Variants in PLCE1 observed in about 807,000 individuals in gnomAD.
PLCE1 encodes phospholipase C epsilon 1, also known as 1-phosphatidylinositol 4,5-bisphosphate phosphodiesterase epsilon-1.
PLCE1 carries 119 observed loss-of-function variants against 242.8 expected under a neutral mutation model. The observed-to-expected ratio is 0.49, with a 90% CI of 0.42 to 0.57. The LOEUF (loss-of-function observed/expected upper bound fraction) is 0.57, where lower values mean the gene tolerates loss of function less well. Ranked by LOEUF, PLCE1 falls within the 20% of genes least tolerant of loss-of-function variation. The pLI, the probability that PLCE1 is intolerant of heterozygous loss-of-function variation, is 0.00. For synonymous variants in PLCE1, 945 were observed against 1,017.4 expected (o/e 0.93, Z 1.35); for missense variants, 2,441 against 2,788.8 (o/e 0.88, Z 2.81).
chr10:94,147,468 G>A (rs1027109808), intron 3 of PLCE1, among the ~76,000 whole-genome samples: 1 of 80,616 alleles, frequency 1.2e-5, no homozygotes, highest in Non-Finnish European at 2.6e-5. Context: ...AAGAGAGAAA[G>A]AGAGAGGAGA....
intron 2 of PLCE1, among the ~76,000 whole-genome samples, chr10:94,056,455 C>CA: frequency 6.6e-6 from 1 of 151,972 alleles, no homozygotes; most frequent in Non-Finnish European, 1.5e-5. Context: ...TGTATCTATT[C>CA]AAAAAAATTA....
chr10:94,249,870 G>T (rs112036440), intron 8 of PLCE1, among the ~76,000 whole-genome samples: 1,762 of 151,934 alleles, frequency 0.012, 41 homozygotes, highest in African/African-American at 0.041. Flanking sequence ...GGCTAAGAAA[G>T]TTAAATATGG....
chr10:94,052,680 G>A (rs147825180), intron 2 of PLCE1, among the ~76,000 whole-genome samples: 1,697 of 151,936 alleles, frequency 0.011, 35 homozygotes, highest in African/African-American at 0.038. Context: ...AAAGGAATGA[G>A]GAAAGTCCAA....
intron 4 of PLCE1, among the ~76,000 whole-genome samples, chr10:94,200,455 A>G (rs1020444343): frequency 3.9e-5 from 6 of 152,246 alleles, no homozygotes; most frequent in Non-Finnish European, 8.8e-5. Flanking sequence ...TAAAGGAAAA[A>G]TATATTATAA....
At chr10:94,220,032 C>A (rs533906614) in intron 4 of PLCE1, among the ~76,000 whole-genome samples, 1 of 152,048 alleles carries the variant, frequency 6.6e-6, no homozygotes, top group African/African-American at 2.4e-5. Context: ...CTCTTCTGCA[C>A]CCACTTCATG....
chr10:94,118,756 C>T (rs1306787947), intron 2 of PLCE1, among the ~76,000 whole-genome samples: 6 of 152,062 alleles, frequency 3.9e-5, no homozygotes, highest in African/African-American at 1.4e-4. Flanking sequence ...TTATCAGCAC[C>T]GTGAAAACGG....
chr10:94,324,316 T>C, intron 30 of PLCE1, 33 bp from the exon 31 acceptor site: 1 of 1,525,946 alleles, frequency 6.6e-7, no homozygotes. Context: ...AGATTCTGTG[T>C]CTTTATTCAG....
At chr10:94,310,110 A>G (rs1200438197) in intron 27 of PLCE1, among the ~76,000 whole-genome samples, 2 of 152,234 alleles carry the variant, frequency 1.3e-5, no homozygotes, top group Non-Finnish European at 2.9e-5. Flanking sequence ...TTAAAAGTGT[A>G]TCCATTGGTT....
intron 1 of PLCE1, among the ~76,000 whole-genome samples, chr10:94,029,744 C>T (rs535330579): frequency 1.4e-4 from 21 of 151,976 alleles, no homozygotes; most frequent in East Asian, 5.8e-4. Context: ...AAAGAGGGTA[C>T]GGGAGAAGCA....
chr10:94,145,457 T>C (rs1048120961), intron 3 of PLCE1, among the ~76,000 whole-genome samples: 3 of 152,216 alleles, frequency 2.0e-5, no homozygotes, highest in Non-Finnish European at 4.4e-5. Flanking sequence ...TTACTTATAC[T>C]GCAGGAACAC....
chr10:94,129,958 T>C (rs1227348886), intron 2 of PLCE1, among the ~76,000 whole-genome samples: 1 of 152,162 alleles, frequency 6.6e-6, no homozygotes, highest in Non-Finnish European at 1.5e-5. Flanking sequence ...CCACTGGCTG[T>C]CCTTATTGCT....
At chr10:94,047,682 T>G (rs985245003) in intron 2 of PLCE1, among the ~76,000 whole-genome samples, 1 of 152,156 alleles carries the variant, frequency 6.6e-6, no homozygotes, top group Non-Finnish European at 1.5e-5. Flanking sequence ...ATATAGTTAG[T>G]CATTTTCAGT....
intron 1 of PLCE1, among the ~76,000 whole-genome samples, chr10:94,014,367 G>T (rs2061234209): frequency 6.6e-6 from 1 of 151,776 alleles, no homozygotes; most frequent in Admixed American, 6.6e-5. Context: ...ACTTTGGGAG[G>T]CTGAGGCAGG....
chr10:94,026,966 C>T (rs995758132), intron 1 of PLCE1, among the ~76,000 whole-genome samples: 1 of 152,262 alleles, frequency 6.6e-6, no homozygotes, highest in South Asian at 2.1e-4. Flanking sequence ...CCTTCACAAC[C>T]TGATGGAGTA....
chr10:94,164,620 C>A (rs1321598278), intron 3 of PLCE1, among the ~76,000 whole-genome samples: 1 of 152,200 alleles, frequency 6.6e-6, no homozygotes, highest in Non-Finnish European at 1.5e-5. Context: ...TTGTCTGAAG[C>A]CTTCTTCTCT....
intron 1 of PLCE1, among the ~76,000 whole-genome samples, chr10:94,005,430 A>G (rs1424987678): frequency 1.3e-5 from 2 of 152,218 alleles, no homozygotes; most frequent in Admixed American, 1.3e-4. Flanking sequence ...TGTTTACTGC[A>G]TTCCTCATTC....
intron 4 of PLCE1, among the ~76,000 whole-genome samples, chr10:94,220,223 C>T (rs990494943): frequency 4.1e-4 from 61 of 150,370 alleles, no homozygotes; most frequent in South Asian, 1.3e-3. Context: ...CACACACATA[C>T]ACACACACAC....
At chr10:94,316,903 T>A in intron 29 of PLCE1, 147 bp downstream of exon 29, 1 of 708,118 alleles carries the variant, frequency 1.4e-6, no homozygotes, top group Non-Finnish European at 2.6e-6. Context: ...AACAGTTTTA[T>A]TCTTCTGCAC....
intron 6 of PLCE1, 100 bp downstream of exon 6, chr10:94,234,412 C>A: frequency 1.6e-6 from 2 of 1,254,526 alleles, no homozygotes; most frequent in African/African-American, 1.5e-5. Flanking sequence ...ACTGATTGAA[C>A]ACAGGGTTAA....
Sources: allele counts gnomAD v4.1 joint callset (sites outside exome capture counted in the v4.1 genomes callset), GRCh38; gene constraint gnomAD v4.1.1; transcripts MANE v1.5; gene names NCBI Gene and HGNC (gene_info 2026-07-23, HGNC 2026-07-21).